TFRC: variants seen among roughly 807,000 people sequenced by gnomAD.
The protein encoded by TFRC is transferrin receptor.
TFRC carries 35 observed loss-of-function variants against 85.8 expected under a neutral mutation model. The observed-to-expected ratio is 0.41, with a 90% CI of 0.31 to 0.54. TFRC has a LOEUF of 0.54. Ranked by LOEUF, TFRC falls within the 20% of genes least tolerant of loss-of-function variation. The pLI is 0.31. For missense variants in TFRC, 828 were observed against 921.5 expected, an observed-to-expected ratio of 0.90 and a Z score of 1.31; for synonymous variants, 362 against 328.6, an observed-to-expected ratio of 1.10 and a Z score of -1.10.
At position 196,073,897 on chromosome 3, in the gene TFRC, T is replaced by C. The variant is rs141123639; in HGVS notation, c.434+33A>G. On this transcript the variant is annotated intron_variant, in intron 4 of 18. Coordinates refer to ENST00000360110, the MANE Select transcript of TFRC (RefSeq NM_001128148.3). ...GGCCTATCATAATTCTTGAATTACTTGTCTAGATACTTGCACAGCAGCTGG... is the reference window on the plus strand; with the variant it reads ...GGCCTATCATAATTCTTGAATTACTCGTCTAGATACTTGCACAGCAGCTGG... The C allele has an allele frequency of 4.4e-6, 7 of 1,586,826 alleles. No homozygotes were observed. The African/African-American group carries it at 6.7e-5, about 15-fold the overall frequency.
rs1716298058 is a variant in TFRC at position 196,051,442 on chromosome 3, A to G, written c.*500T>C. 4.6e-6 allele frequency: 1 copy of G among 218,376 alleles called. No homozygotes were observed. The highest frequency in any genetic ancestry group is 9.2e-6 in the Non-Finnish European group (1 of 108,722). 13.5% of individuals were successfully genotyped at this position (218,376 alleles called of 1,614,324 possible). A position where few individuals can be genotyped will look rare whatever the true frequency, so the allele number is the denominator to read the frequency against. On this transcript the variant is annotated 3_prime_UTR_variant, in exon 19 of 19. Coordinates refer to ENST00000360110, the MANE Select transcript of TFRC (RefSeq NM_001128148.3). ...ACAAGCCCATCTCTTCTGAAAGTTA[A>G]CTGTTTCTTTCAGGAATGAGGAAAC...
chr3:196,065,431 G>GGT lies in TFRC; in HGVS notation c.1198+11_1198+12insAC. On this transcript the variant is annotated intron_variant, in intron 10 of 18. Transcript: ENST00000360110. ...AAAAAGCGGGGCGGGGGGGGGGGGGGGCGGTCTTTACCTGGTTCTACAAAG... is the reference window on the plus strand; with the variant it reads ...AAAAAGCGGGGCGGGGGGGGGGGGGGGTGCGGTCTTTACCTGGTTCTACAAAG... The GGT allele has an allele frequency of 6.4e-6, 3 of 468,610 alleles. No homozygotes were observed. The highest frequency in any genetic ancestry group is 8.9e-6 in the Non-Finnish European group (3 of 338,930). 29.0% of individuals were successfully genotyped at this position (468,610 alleles called of 1,614,324 possible). A position where few individuals can be genotyped will look rare whatever the true frequency, so the allele number is the denominator to read the frequency against.
intron 14 of TFRC, among the ~76,000 whole-genome samples, chr3:196,059,406 T>C (rs905538637): frequency 2.6e-5 from 4 of 152,160 alleles, no homozygotes; most frequent in Non-Finnish European, 4.4e-5. Context: ...ACTATGCCTA[T>C]CTTGTTTCTG....
chr3:196,069,378 T>C (rs1718002073), intron 7 of TFRC, 77 bp downstream of exon 7: 2 of 826,742 alleles, frequency 2.4e-6, no homozygotes, highest in Non-Finnish European at 3.9e-6. Context: ...TGTAAGAATA[T>C]TAACAAGAAA....
chr3:196,068,328 AC>A (rs1717901091), intron 7 of TFRC, among the ~76,000 whole-genome samples, 198 bp from the exon 8 acceptor site: 1 of 152,212 alleles, frequency 6.6e-6, no homozygotes, highest in Non-Finnish European at 1.5e-5. Flanking sequence ...AATAAGAGTA[AC>A]GGGCCAGGAG....
chr3:196,080,129 G>A (rs1478241273), intron 1 of TFRC, among the ~76,000 whole-genome samples: 1 of 152,100 alleles, frequency 6.6e-6, no homozygotes, highest in Non-Finnish European at 1.5e-5. Flanking sequence ...TTTTTGAGAT[G>A]GCATCTCGCT....
intron 1 of TFRC, among the ~76,000 whole-genome samples, chr3:196,078,649 T>TC: frequency 6.6e-6 from 1 of 151,712 alleles, no homozygotes. Context: ...GGAGTGAAAC[T>TC]CCATCTCAAA....
At chr3:196,074,255 A>G in intron 3 of TFRC, 130 bp from the exon 4 acceptor site, 1 of 787,780 alleles carries the variant, frequency 1.3e-6, no homozygotes, top group South Asian at 2.0e-5. Flanking sequence ...TTTAAAGTAT[A>G]TAATGCATCT....
intron 13 of TFRC, among the ~76,000 whole-genome samples, chr3:196,061,468 G>A (rs959450375): frequency 1.3e-5 from 2 of 151,648 alleles, no homozygotes; most frequent in Non-Finnish European, 2.9e-5. Context: ...TTCCCCAAGG[G>A]TTGCCAAAAA....
At chr3:196,067,120 T>G (rs111565236) in intron 9 of TFRC, among the ~76,000 whole-genome samples, 1 of 152,220 alleles carries the variant, frequency 6.6e-6, no homozygotes, top group South Asian at 2.1e-4. Context: ...CCGTATTGCT[T>G]AGAAGAAAAA....
chr3:196,058,714 C>CG, intron 14 of TFRC, 82 bp from the exon 15 acceptor site: 1 of 903,110 alleles, frequency 1.1e-6, no homozygotes, highest in South Asian at 2.0e-5. Flanking sequence ...TACTCTATAA[C>CG]AATTTTTAAA....
At chr3:196,074,300 T>C (rs939210062) in intron 3 of TFRC, 175 bp from the exon 4 acceptor site, 2 of 501,202 alleles carry the variant, frequency 4.0e-6, no homozygotes, top group African/African-American at 2.0e-5. Context: ...TAATAAATTA[T>C]ATACTAGCTT....
At chr3:196,071,367 A>C (rs761023630) in intron 6 of TFRC, 29 bp downstream of exon 6, 4 of 1,539,912 alleles carry the variant, frequency 2.6e-6, no homozygotes, top group Non-Finnish European at 3.6e-6. Flanking sequence ...AATAGGGAAG[A>C]GTCTCATGCA....
At chr3:196,058,415 G>A in intron 15 of TFRC, 50 bp from the exon 16 acceptor site, 2 of 1,559,692 alleles carry the variant, frequency 1.3e-6, no homozygotes, top group Non-Finnish European at 8.8e-7. Flanking sequence ...AGAATAGACT[G>A]TTCTATCGTG....
intron 15 of TFRC, 86 bp from the exon 16 acceptor site, chr3:196,058,451 C>A (rs1272523915): frequency 2.0e-6 from 3 of 1,493,682 alleles, no homozygotes; most frequent in Non-Finnish European, 1.9e-6. Context: ...AAAATAAATT[C>A]TTTAGCTGAA....
chr3:196,075,235 G>A lies in TFRC; in HGVS notation c.162C>T (p.Ala54=), dbSNP rs41300443. ...EEENADNNTK[A]NVTKPKRCSG... ...TACACCTTTTTGGTTTTGTGACATT[G>A]GCCTTTGTGTTATTGTCAGCATTTT... The change falls in exon 3 of 19, where the codon GCC becomes GCT. Residue 54 remains alanine (A), a synonymous_variant. Transcript: ENST00000360110. 1.1e-3 allele frequency: 1,819 copies of A among 1,614,010 alleles called. 6 individuals carry two copies. Among genetic ancestry groups the A allele is most frequent in the East Asian group, 9.5e-3 (427 of 44,888 alleles).
intron 4 of TFRC, among the ~76,000 whole-genome samples, chr3:196,073,314 CT>C (rs1333794160): frequency 1.3e-5 from 2 of 149,476 alleles, no homozygotes; most frequent in African/African-American, 4.9e-5. Context: ...AAAAAATTAG[CT>C]GGGTGTGGTG....
In TFRC at chr3:196,071,456, A is replaced by C; in HGVS notation, c.627T>G (p.Leu209=). ...SVIIVDKNGR[L]VYLVENPGGY... ...CCCCAGGATTCTCCACCAGGTAAAC[A>C]AGTCTACCGTTCTTATCAACTATGA... The change falls in exon 6 of 19, where the codon CTT becomes CTG. Residue 209 remains leucine, a synonymous_variant. Transcript: ENST00000360110. 6.2e-7 allele frequency: 1 copy of C among 1,614,096 alleles called. No individual in the cohort carries two copies.
chr3:196,073,970 A>G lies in TFRC; in HGVS notation c.394T>C (p.Ser132Pro). The G allele has an allele frequency of 6.2e-7, 1 of 1,614,156 alleles. No individual in the cohort carries two copies. The highest frequency in any genetic ancestry group is 1.3e-5 in the African/African-American group (1 of 75,040). Residue 132 changes from serine to proline, a missense_variant, in exon 4 of 19, where the codon TCG becomes CCG. Transcript: ENST00000360110. ...LYWDDLKRKLSEKLDSTDFTG... is the reference protein window; with the variant it reads ...LYWDDLKRKLPEKLDSTDFTG... ...AAGTCTGTGCTGTCCAGTTTCTCCGACAACTTTCTCTTCAGGTCATCCCAA... is the reference window on the plus strand; with the variant it reads ...AAGTCTGTGCTGTCCAGTTTCTCCGGCAACTTTCTCTTCAGGTCATCCCAA...
Sources: allele counts gnomAD v4.1 joint callset (sites outside exome capture counted in the v4.1 genomes callset), GRCh38; gene constraint gnomAD v4.1.1; transcripts MANE v1.5; gene names NCBI Gene and HGNC (gene_info 2026-07-23, HGNC 2026-07-21).